The following CTNNA2 variants were observed in gnomAD, a reference collection of about 807,000 sequenced individuals.
CTNNA2 encodes catenin alpha 2.
A neutral mutation model predicts 101.0 loss-of-function variants in CTNNA2; 42 were observed. The observed-to-expected ratio is 0.42, with a 90% CI of 0.32 to 0.54. The LOEUF is 0.54. Among genes scored for constraint, CTNNA2 ranks in the 20% least tolerant of loss-of-function variants. CTNNA2 has a pLI of 0.14. For synonymous variants in CTNNA2, 450 were observed against 456.4 expected (o/e 0.99, Z 0.18); for missense variants, 871 against 1,223.1 (o/e 0.71, Z 4.29).
At chr2:80,552,148 C>A (rs1692613570) in intron 11 of CTNNA2, among the ~76,000 whole-genome samples, 1 of 151,952 alleles carries the variant, frequency 6.6e-6, no homozygotes, top group Non-Finnish European at 1.5e-5. Flanking sequence ...AAAACAATTG[C>A]AATAGTGACA....
chr2:80,168,572 C>T (rs189966695), intron 7 of CTNNA2, among the ~76,000 whole-genome samples: 14 of 152,264 alleles, frequency 9.2e-5, no homozygotes, highest in Admixed American at 3.3e-4. Flanking sequence ...ATCAAAGTTT[C>T]ACAGACACAT....
At chr2:79,605,130 T>A (rs960935524) in intron 1 of CTNNA2, among the ~76,000 whole-genome samples, 4 of 152,192 alleles carry the variant, frequency 2.6e-5, no homozygotes, top group Non-Finnish European at 4.4e-5. Context: ...GATGTTTTAA[T>A]AAGTCAAATA....
At chr2:79,949,760 A>C (rs1038998789) in intron 7 of CTNNA2, among the ~76,000 whole-genome samples, 1 of 152,140 alleles carries the variant, frequency 6.6e-6, no homozygotes. Context: ...CCTGGGTGAA[A>C]GAGTGAAAGC....
intron 9 of CTNNA2, among the ~76,000 whole-genome samples, chr2:80,536,524 G>A (rs1309842846): frequency 6.6e-6 from 1 of 152,124 alleles, no homozygotes; most frequent in Non-Finnish European, 1.5e-5. Flanking sequence ...ATGATTCAGT[G>A]TTTGGGAGTT....
intron 1 of CTNNA2, among the ~76,000 whole-genome samples, chr2:79,529,682 A>G (rs1048327473): frequency 1.4e-5 from 2 of 147,206 alleles, no homozygotes; most frequent in Non-Finnish European, 3.0e-5. Flanking sequence ...AAAGTCAGCA[A>G]AATGAAAAAG....
At chr2:80,016,801 A>G (rs1029139758) in intron 7 of CTNNA2, among the ~76,000 whole-genome samples, 3 of 152,214 alleles carry the variant, frequency 2.0e-5, no homozygotes, top group Non-Finnish European at 4.4e-5. Flanking sequence ...AGCCACTTCC[A>G]ATTAAAGTTC....
At chr2:79,988,466 ATG>A (rs70940067) in intron 7 of CTNNA2, among the ~76,000 whole-genome samples, 8,406 of 149,032 alleles carry the variant, frequency 0.056, 239 homozygotes, top group East Asian at 0.1. Context: ...GTGTATGTGT[ATG>A]TGTGTGTGTG....
chr2:79,765,321 T>A (rs1361814872), intron 3 of CTNNA2, among the ~76,000 whole-genome samples: 1 of 152,136 alleles, frequency 6.6e-6, no homozygotes, highest in Non-Finnish European at 1.5e-5. Flanking sequence ...GAGACACAAG[T>A]CACTAGTACT....
At chr2:79,541,427 C>CACAT (rs1485339148) in intron 1 of CTNNA2, among the ~76,000 whole-genome samples, 15 of 142,806 alleles carry the variant, frequency 1.1e-4, no homozygotes, top group East Asian at 8.3e-4. Flanking sequence ...CGCACACACA[C>CACAT]ATATATATAT....
In CTNNA2 at chr2:79,394,378, G is replaced by A. The variant is rs1045413624; in HGVS notation, c.-135+20365G>A. ...CTAGAATGATAAATAAGAGCCTTCTGTGAGTAACATCATGAAATCAAGCCT... is the reference window on the plus strand; with the variant it reads ...CTAGAATGATAAATAAGAGCCTTCTATGAGTAACATCATGAAATCAAGCCT... On this transcript the variant is annotated intron_variant, in intron 4 of 21. Transcript: ENST00000466387. Among the ~76,000 whole-genome samples, 3 of 152,254 alleles carry A rather than the reference G, an allele frequency of 2.0e-5. No individual in the cohort carries two copies. The East Asian group carries it at 5.8e-4, about 29-fold the overall frequency.
chr2:80,488,431 A>G (rs1227553359), intron 9 of CTNNA2, among the ~76,000 whole-genome samples: 1 of 152,120 alleles, frequency 6.6e-6, no homozygotes, highest in Non-Finnish European at 1.5e-5. Context: ...TTTGGGGATC[A>G]TTATAGGACA....
At chr2:80,144,098 G>A (rs1558848756) in intron 7 of CTNNA2, among the ~76,000 whole-genome samples, 1 of 152,064 alleles carries the variant, frequency 6.6e-6, no homozygotes, top group Non-Finnish European at 1.5e-5. Flanking sequence ...TTTGCCCCGT[G>A]CAATCTTTTA....
chr2:79,237,021 A>G (rs76471160), intron 2 of CTNNA2, among the ~76,000 whole-genome samples: 3,042 of 152,292 alleles, frequency 0.02, 40 homozygotes, highest in Non-Finnish European at 0.03. Flanking sequence ...TGGCATCTAA[A>G]ATGGTGAATA....
chr2:79,912,048 C>T (rs1008560607), intron 7 of CTNNA2, among the ~76,000 whole-genome samples: 8 of 152,196 alleles, frequency 5.3e-5, no homozygotes, highest in Non-Finnish European at 4.4e-5. Flanking sequence ...CTTTCTCTTT[C>T]AATTTCATAA....
intron 10 of CTNNA2, among the ~76,000 whole-genome samples, chr2:80,545,587 C>T (rs1010296850): frequency 9.9e-5 from 15 of 152,224 alleles, no homozygotes; most frequent in South Asian, 4.2e-4. Context: ...TACCTTGTCT[C>T]GGCAGCTAAA....
At chr2:79,591,739 G>A (rs1199719330) in intron 1 of CTNNA2, among the ~76,000 whole-genome samples, 1 of 152,158 alleles carries the variant, frequency 6.6e-6, no homozygotes, top group Non-Finnish European at 1.5e-5. Flanking sequence ...GAAAGAGAAA[G>A]AGAGAGCGAG....
intron 9 of CTNNA2, among the ~76,000 whole-genome samples, chr2:80,515,395 C>A (rs887122848): frequency 3.3e-5 from 5 of 152,160 alleles, no homozygotes; most frequent in Non-Finnish European, 5.9e-5. Context: ...TTTTCACAAT[C>A]TTCTCTTTTA....
At chr2:79,405,084 T>C (rs1420007952) in intron 4 of CTNNA2, among the ~76,000 whole-genome samples, 1 of 152,054 alleles carries the variant, frequency 6.6e-6, no homozygotes, top group Non-Finnish European at 1.5e-5. Context: ...AGATGCCTAA[T>C]CACTTGACTT....
chr2:79,481,914 G>A (rs1671113975), intron 4 of CTNNA2, among the ~76,000 whole-genome samples: 1 of 152,140 alleles, frequency 6.6e-6, no homozygotes. Flanking sequence ...GTAGGCTGGA[G>A]TTTGTTACAT....
Sources: gnomAD v4.1 joint callset for allele counts (sites outside exome capture counted in the v4.1 genomes callset) on GRCh38, gnomAD v4.1.1 for gene constraint, MANE v1.5 for transcripts, NCBI Gene and HGNC (gene_info 2026-07-23, HGNC 2026-07-21) for gene names.